ARHGAP15: variants seen among roughly 807,000 people sequenced by gnomAD.
ARHGAP15 encodes Rho GTPase activating protein 15, also known as rho GTPase-activating protein 15.
In ARHGAP15, 51 loss-of-function variants were observed where a neutral mutation model predicts 63.7. That is an observed-to-expected ratio of 0.80 (90% CI 0.64 to 1.01). The LOEUF is 1.01. ARHGAP15 is among the 50% of genes least tolerant of loss of function. The pLI is 0.00. For synonymous variants in ARHGAP15, 191 were observed against 193.8 expected (o/e 0.99, Z 0.12); for missense variants, 560 against 564.6 (o/e 0.99, Z 0.08).
intron 6 of ARHGAP15, among the ~76,000 whole-genome samples, chr2:143,427,358 T>A (rs900702470): frequency 2.6e-5 from 4 of 152,152 alleles, no homozygotes; most frequent in African/African-American, 9.7e-5. Flanking sequence ...GTTTGCTTAT[T>A]TATTAATATT....
intron 6 of ARHGAP15, among the ~76,000 whole-genome samples, chr2:143,308,068 G>A (rs1294933118): frequency 6.6e-6 from 1 of 152,248 alleles, no homozygotes; most frequent in East Asian, 1.9e-4. Flanking sequence ...TTAACTGTGA[G>A]CAATTTTTTG....
At chr2:143,446,253 C>T (rs867946896) in intron 8 of ARHGAP15, among the ~76,000 whole-genome samples, 4 of 151,194 alleles carry the variant, frequency 2.6e-5, no homozygotes, top group South Asian at 2.1e-4. Flanking sequence ...TAAAATATAT[C>T]AAATAACTTT....
intron 6 of ARHGAP15, among the ~76,000 whole-genome samples, chr2:143,367,863 A>G (rs1457192856): frequency 1.3e-5 from 2 of 152,038 alleles, no homozygotes; most frequent in Non-Finnish European, 2.9e-5. Context: ...TTACAGCCAT[A>G]CTATAGGGCT....
intron 6 of ARHGAP15, among the ~76,000 whole-genome samples, chr2:143,370,937 T>C (rs1244869432): frequency 6.6e-6 from 1 of 152,228 alleles, no homozygotes; most frequent in Non-Finnish European, 1.5e-5. Context: ...AATCATGACT[T>C]TTTTTCTCCT....
intron 12 of ARHGAP15, among the ~76,000 whole-genome samples, chr2:143,626,659 T>A (rs1012233108): frequency 1.3e-5 from 2 of 152,060 alleles, no homozygotes; most frequent in African/African-American, 2.4e-5. Context: ...TTTTCAATCC[T>A]CCCCGCGATT....
intron 6 of ARHGAP15, among the ~76,000 whole-genome samples, chr2:143,405,859 G>A (rs930171855): frequency 6.6e-6 from 1 of 151,836 alleles, no homozygotes; most frequent in African/African-American, 2.4e-5. Flanking sequence ...GCTCTAATAA[G>A]TGACTTCATA....
intron 6 of ARHGAP15, among the ~76,000 whole-genome samples, chr2:143,259,193 A>G (rs116636300): frequency 0.01 from 1,528 of 152,284 alleles, 13 homozygotes; most frequent in Non-Finnish European, 0.016. Flanking sequence ...ATGTACTGAT[A>G]GGGGTGGCAG....
chr2:143,522,563 T>G (rs1694101270), intron 10 of ARHGAP15, among the ~76,000 whole-genome samples: 1 of 152,116 alleles, frequency 6.6e-6, no homozygotes, highest in Non-Finnish European at 1.5e-5. Flanking sequence ...CTGACACTAT[T>G]TTGGAGGTTT....
At chr2:143,542,769 A>T (rs1488767317) in intron 10 of ARHGAP15, among the ~76,000 whole-genome samples, 5 of 89,552 alleles carry the variant, frequency 5.6e-5, no homozygotes, top group Admixed American at 2.4e-4. Flanking sequence ...TCACATATAT[A>T]ATATATATAT....
chr2:143,321,270 T>C (rs1684007771), intron 6 of ARHGAP15, among the ~76,000 whole-genome samples: 1 of 152,222 alleles, frequency 6.6e-6, no homozygotes, highest in Non-Finnish European at 1.5e-5. Context: ...TGTTAGGTCA[T>C]GGAAAGTATA....
intron 11 of ARHGAP15, among the ~76,000 whole-genome samples, chr2:143,587,515 GT>G: frequency 6.6e-6 from 1 of 152,204 alleles, no homozygotes; most frequent in East Asian, 1.9e-4. Flanking sequence ...GTGCCACTGT[GT>G]TTCGGTCTTA....
Position 143,169,863 on chromosome 2 carries a change from C to A in ARHGAP15, c.165+14208C>A, listed in dbSNP as rs563886168. On this transcript the variant is annotated intron_variant, in intron 2 of 13. Transcript: ENST00000295095. Reference sequence around the variant, plus strand: ...ATGAGCATGATACAGGTTCAATAATCTGACCAGTAACATTGCACTCTAGCC... The same window carrying A: ...ATGAGCATGATACAGGTTCAATAATATGACCAGTAACATTGCACTCTAGCC... Among the ~76,000 whole-genome samples, 17 of 152,050 alleles carry A rather than the reference C, an allele frequency of 1.1e-4. 1 individual carries two copies. Among genetic ancestry groups the A allele is most frequent in the Non-Finnish European group, 1.5e-4 (10 of 67,922 alleles).
intron 12 of ARHGAP15, among the ~76,000 whole-genome samples, chr2:143,667,487 G>T (rs1682274114): frequency 6.7e-6 from 1 of 148,808 alleles, no homozygotes; most frequent in Non-Finnish European, 1.5e-5. Flanking sequence ...GAGTTAGTGG[G>T]TGCAGCGCAC....
chr2:143,190,945 AT>A (rs1691664146), intron 2 of ARHGAP15, among the ~76,000 whole-genome samples: 1 of 152,060 alleles, frequency 6.6e-6, no homozygotes, highest in Non-Finnish European at 1.5e-5. Flanking sequence ...TGATTTTTGT[AT>A]TTTTAGCAGA....
intron 8 of ARHGAP15, among the ~76,000 whole-genome samples, chr2:143,481,237 A>G (rs551353187): frequency 6.6e-6 from 1 of 152,198 alleles, no homozygotes; most frequent in East Asian, 1.9e-4. Context: ...CCTAGCTGCT[A>G]ACAAAACTAT....
intron 12 of ARHGAP15, among the ~76,000 whole-genome samples, chr2:143,663,633 G>C (rs367891014): frequency 6.6e-6 from 1 of 152,078 alleles, no homozygotes; most frequent in East Asian, 1.9e-4. Context: ...ATTGGATAAA[G>C]AGTCAAGACC....
intron 6 of ARHGAP15, among the ~76,000 whole-genome samples, chr2:143,337,721 C>G (rs996240125): frequency 4.6e-5 from 7 of 152,040 alleles, no homozygotes; most frequent in African/African-American, 7.2e-5. Context: ...TCAGCAATGA[C>G]TGGCAAAATA....
In ARHGAP15 at chr2:143,130,310, G is replaced by T. The variant is rs1244893996; in HGVS notation, c.-15+844G>T. Among the ~76,000 whole-genome samples the T allele has an allele frequency of 3.3e-5, 5 of 152,128 alleles. No homozygotes were observed. In the East Asian group the frequency reaches 9.6e-4, roughly 29 times the overall value. On this transcript the variant is annotated intron_variant, in intron 1 of 13. Transcript: ENST00000295095. ...CTTCTTGCTTTTACAGAATGTCTTTGTGTGCTGTAACATATGTGCAGAAAA... is the reference window on the plus strand; with the variant it reads ...CTTCTTGCTTTTACAGAATGTCTTTTTGTGCTGTAACATATGTGCAGAAAA...
At position 143,542,804 on chromosome 2, in the gene ARHGAP15, G is replaced by A. The variant is rs71423274; in HGVS notation, c.926-13604G>A. ...TGATATATATAATATCACATATATAGTATATATATGATATATATAATATCA... is the reference window on the plus strand; with the variant it reads ...TGATATATATAATATCACATATATAATATATATATGATATATATAATATCA... On this transcript the variant is annotated intron_variant, in intron 10 of 13. Coordinates refer to ENST00000295095, the MANE Select transcript of ARHGAP15 (RefSeq NM_018460.4). Among the ~76,000 whole-genome samples, 181 of 77,882 alleles carry A rather than the reference G, an allele frequency of 2.3e-3. 1 individual carries two copies. The highest frequency in any genetic ancestry group is 8.1e-3 in the African/African-American group (138 of 17,004). The allele number at this position is 77,882 out of a possible 152,430, so 51.1% of individuals were successfully genotyped here. A position where few individuals can be genotyped will look rare whatever the true frequency, so the allele number is the denominator to read the frequency against.
Sources: gnomAD v4.1 joint callset for allele counts (sites outside exome capture counted in the v4.1 genomes callset) on GRCh38, gnomAD v4.1.1 for gene constraint, MANE v1.5 for transcripts, NCBI Gene and HGNC (gene_info 2026-07-23, HGNC 2026-07-21) for gene names.